GNAQ: variants seen among roughly 807,000 people sequenced by gnomAD.
GNAQ encodes the protein guanine nucleotide-binding protein G(q) subunit alpha.
GNAQ carries 8 observed loss-of-function variants against 43.9 expected under a neutral mutation model. That is an observed-to-expected ratio of 0.18 (90% confidence interval 0.11 to 0.33). The LOEUF (loss-of-function observed/expected upper bound fraction) is 0.33, where lower values mean the gene tolerates loss of function less well. Ranked by LOEUF, GNAQ falls within the 10% of genes least tolerant of loss-of-function variation. The pLI is 1.00. For missense variants in GNAQ, 158 were observed against 450.8 expected, an observed-to-expected ratio of 0.35 and a Z score of 5.88; for synonymous variants, 155 against 170.7, an observed-to-expected ratio of 0.91 and a Z score of 0.71.
At chr9:77,762,180 G>GC (rs1224849301) in intron 5 of GNAQ, among the ~76,000 whole-genome samples, 1 of 135,698 alleles carries the variant, frequency 7.4e-6, no homozygotes, top group Non-Finnish European at 1.6e-5. Flanking sequence ...GGGCGCCTCT[G>GC]CCCGGCCACC....
intron 5 of GNAQ, among the ~76,000 whole-genome samples, chr9:77,784,727 G>A (rs370046730): frequency 8.5e-5 from 13 of 152,172 alleles, no homozygotes; most frequent in South Asian, 8.3e-4. Flanking sequence ...ACTTAACAAC[G>A]GACGTGCATC....
At chr9:77,774,082 C>A (rs1826270022) in intron 5 of GNAQ, among the ~76,000 whole-genome samples, 1 of 152,062 alleles carries the variant, frequency 6.6e-6, no homozygotes, top group African/African-American at 2.4e-5. Context: ...GTCCACATTC[C>A]TCTGGCTTTG....
chr9:77,834,989 G>A (rs1827360439), intron 2 of GNAQ, among the ~76,000 whole-genome samples: 2 of 152,046 alleles, frequency 1.3e-5, no homozygotes, highest in South Asian at 2.1e-4. Flanking sequence ...CTTACCTGAG[G>A]GAGATGCATT....
At chr9:77,822,120 G>A (rs1005044022) in intron 2 of GNAQ, among the ~76,000 whole-genome samples, 1 of 152,132 alleles carries the variant, frequency 6.6e-6, no homozygotes, top group Non-Finnish European at 1.5e-5. Context: ...TACCTAGAAA[G>A]GTGCTATAAA....
At chr9:77,771,491 T>G (rs1360231043) in intron 5 of GNAQ, among the ~76,000 whole-genome samples, 1 of 152,222 alleles carries the variant, frequency 6.6e-6, no homozygotes, top group African/African-American at 2.4e-5. Context: ...AAATGAGAGA[T>G]ATATTCCTCC....
At chr9:77,908,536 T>C (rs188763960) in intron 2 of GNAQ, among the ~76,000 whole-genome samples, 7 of 152,362 alleles carry the variant, frequency 4.6e-5, no homozygotes, top group Admixed American at 4.6e-4. Flanking sequence ...ACACTGACTA[T>C]GTTGATGTTA....
chr9:78,008,754 G>T (rs1161957724), intron 1 of GNAQ, among the ~76,000 whole-genome samples: 1 of 152,144 alleles, frequency 6.6e-6, no homozygotes, highest in Non-Finnish European at 1.5e-5. Context: ...AAGTAGCTGG[G>T]ACTACAGGCA....
At chr9:77,760,699 G>A (rs1459271347) in intron 5 of GNAQ, among the ~76,000 whole-genome samples, 6 of 150,880 alleles carry the variant, frequency 4.0e-5, no homozygotes, top group Non-Finnish European at 7.4e-5. Context: ...CCCTCTGCCT[G>A]GCTGCCCAGT....
At chr9:77,772,670 G>T (rs928560923) in intron 5 of GNAQ, among the ~76,000 whole-genome samples, 1 of 152,136 alleles carries the variant, frequency 6.6e-6, no homozygotes, top group African/African-American at 2.4e-5. Context: ...TACTAATAAA[G>T]CATCTTCACC....
chr9:77,802,185 C>CA (rs931505115), intron 3 of GNAQ, among the ~76,000 whole-genome samples: 2 of 151,830 alleles, frequency 1.3e-5, no homozygotes, highest in Non-Finnish European at 2.9e-5. Flanking sequence ...AAAAACAAAA[C>CA]AAAAAACAAA....
At chr9:77,884,271 T>C (rs1342481769) in intron 2 of GNAQ, among the ~76,000 whole-genome samples, 2 of 152,214 alleles carry the variant, frequency 1.3e-5, no homozygotes, top group Non-Finnish European at 2.9e-5. Flanking sequence ...GTGTGAAGGC[T>C]TGTTCTAATC....
intron 1 of GNAQ, among the ~76,000 whole-genome samples, chr9:77,957,027 C>T (rs1241785496): frequency 5.9e-5 from 9 of 152,080 alleles, no homozygotes; most frequent in Middle Eastern, 3.4e-3. Flanking sequence ...GAGTACAGCC[C>T]GGAACAGAAT....
In GNAQ at chr9:77,849,491, G is replaced by A. The variant is rs534213951; in HGVS notation, c.322-33721C>T. Among the ~76,000 whole-genome samples, 33 of 152,056 alleles carry A rather than the reference G, an allele frequency of 2.2e-4. No homozygotes were observed. The East Asian group carries it at 5.2e-3, about 24-fold the overall frequency. ...AACCTGACCCCATGGGTACCTTACCGGCCAGTGCTTTCTGAATCCTCTCCC... is the reference window on the plus strand; with the variant it reads ...AACCTGACCCCATGGGTACCTTACCAGCCAGTGCTTTCTGAATCCTCTCCC... On this transcript the variant is annotated intron_variant, in intron 2 of 6. Transcript: ENST00000286548.
At chr9:77,879,430 T>C (rs1328977564) in intron 2 of GNAQ, among the ~76,000 whole-genome samples, 1 of 152,116 alleles carries the variant, frequency 6.6e-6, no homozygotes, top group Non-Finnish European at 1.5e-5. Flanking sequence ...CATCCAGCTT[T>C]GTATTTTTAG....
chr9:77,857,300 C>T (rs1434867627), intron 2 of GNAQ, among the ~76,000 whole-genome samples: 1 of 152,190 alleles, frequency 6.6e-6, no homozygotes, highest in African/African-American at 2.4e-5. Flanking sequence ...ATCTAGAACT[C>T]GACCTACATC....
chr9:78,006,891 T>TTCAC (rs1387061644), intron 1 of GNAQ, among the ~76,000 whole-genome samples: 1 of 152,186 alleles, frequency 6.6e-6, no homozygotes, highest in African/African-American at 2.4e-5. Context: ...TCATTTCAGT[T>TTCAC]CTTTGCTAGT....
chr9:77,963,576 G>A (rs1049387757), intron 1 of GNAQ, among the ~76,000 whole-genome samples: 3 of 152,124 alleles, frequency 2.0e-5, no homozygotes, highest in African/African-American at 7.2e-5. Flanking sequence ...CTACGAAGAG[G>A]TGGAAGTCAA....
intron 2 of GNAQ, among the ~76,000 whole-genome samples, chr9:77,828,569 C>T (rs1395590339): frequency 6.6e-6 from 1 of 152,200 alleles, no homozygotes; most frequent in Non-Finnish European, 1.5e-5. Flanking sequence ...ATGTTTTGTA[C>T]ATAAAGAATT....
At chr9:77,759,149 T>C (rs2118321498) in intron 5 of GNAQ, among the ~76,000 whole-genome samples, 1 of 152,324 alleles carries the variant, frequency 6.6e-6, no homozygotes, top group African/African-American at 2.4e-5. Context: ...CAGATTACCA[T>C]AAGCAATGTA....
Sources: gnomAD v4.1 joint callset for allele counts (sites outside exome capture counted in the v4.1 genomes callset) on GRCh38, gnomAD v4.1.1 for gene constraint, MANE v1.5 for transcripts, NCBI Gene and HGNC (gene_info 2026-07-23, HGNC 2026-07-21) for gene names.